ANKRD28: variants seen among roughly 807,000 people sequenced by gnomAD.
ANKRD28 encodes ankyrin repeat domain 28.
ANKRD28 carries 44 observed loss-of-function variants against 126.5 expected under a neutral mutation model. The ratio of observed to expected loss-of-function variants is 0.35; its 90% CI spans 0.27 to 0.45. ANKRD28 has a LOEUF of 0.45. Among genes scored for constraint, ANKRD28 ranks in the 20% least tolerant of loss-of-function variants. The pLI, the probability that ANKRD28 is intolerant of heterozygous loss-of-function variation, is 1.00. For synonymous variants in ANKRD28, 442 were observed against 468.5 expected (o/e 0.94, Z 0.73); for missense variants, 1,110 against 1,316.6 (o/e 0.84, Z 2.43).
At chr3:15,766,682 A>C (rs371286557) in intron 2 of ANKRD28, among the ~76,000 whole-genome samples, 1 of 151,384 alleles carries the variant, frequency 6.6e-6, no homozygotes, top group East Asian at 1.9e-4. Flanking sequence ...TATTAAAAAC[A>C]AAAAAAAACA....
At position 15,830,263 on chromosome 3, in the gene ANKRD28, C is replaced by T. The variant is rs932467968; in HGVS notation, c.27+29114G>A. On this transcript the variant is annotated intron_variant, in intron 1 of 27. Coordinates refer to the ANKRD28 transcript ENST00000399451. The surrounding 1 kb of genome is among the most constrained non-coding windows in gnomAD (Gnocchi z 4.5). The stretch of plus-strand genomic sequence containing the variant: ...ATGATAACAGTTTTGACTTTAGGGA[C>T]TCCCAGGGGTTCATGGACCACACTA... Among the ~76,000 whole-genome samples, 1 of 152,176 alleles carries T rather than the reference C, an allele frequency of 6.6e-6. No homozygotes were observed. The highest frequency in any genetic ancestry group is 1.5e-5 in the Non-Finnish European group (1 of 68,018).
intron 8 of ANKRD28, among the ~76,000 whole-genome samples, chr3:15,717,781 A>G (rs115861302): frequency 1.7e-3 from 264 of 152,330 alleles, no homozygotes; most frequent in African/African-American, 5.9e-3. Context: ...AAGCAGTTCT[A>G]AAAAACAGAC....
chr3:15,684,933 G>A (rs2067937979), intron 21 of ANKRD28: 2 of 324,202 alleles, frequency 6.2e-6, no homozygotes, highest in Non-Finnish European at 1.2e-5. Context: ...AGACCAGCCT[G>A]GGCAACATAG....
At chr3:15,766,710 G>T (rs1054625807) in intron 2 of ANKRD28, among the ~76,000 whole-genome samples, 7 of 151,652 alleles carry the variant, frequency 4.6e-5, no homozygotes, top group Non-Finnish European at 7.4e-5. Flanking sequence ...AAAAACACAG[G>T]GTATTTCCTT....
At chr3:15,859,517 G>C (rs551719555) in exon 1 of ANKRD28, 13 of 1,031,184 alleles carry the variant, frequency 1.3e-5, no homozygotes, top group Middle Eastern at 2.4e-4. Context: ...CGGGACCAGC[G>C]GGTCCGCGGC....
chr3:15,739,823 A>G (rs1417657291), intron 4 of ANKRD28, among the ~76,000 whole-genome samples: 15 of 152,238 alleles, frequency 9.9e-5, no homozygotes, highest in Non-Finnish European at 1.8e-4. Context: ...AGGGATGGCA[A>G]AAGACTGAAG....
At chr3:15,747,295 A>G (rs1228059190) in intron 4 of ANKRD28, among the ~76,000 whole-genome samples, 3 of 150,510 alleles carry the variant, frequency 2.0e-5, no homozygotes, top group Non-Finnish European at 4.4e-5. Context: ...TAGATTGTCT[A>G]TTTGTGCTCT....
chr3:15,714,816 G>T (rs1042936882), intron 8 of ANKRD28, among the ~76,000 whole-genome samples, 160 bp from the exon 9 acceptor site: 2 of 152,016 alleles, frequency 1.3e-5, no homozygotes, highest in African/African-American at 4.8e-5. Flanking sequence ...TTAAAATTAG[G>T]AATTAATTTT....
chr3:15,794,592 CAGAG>C (rs1559544935), intron 2 of ANKRD28, among the ~76,000 whole-genome samples: 7 of 150,658 alleles, frequency 4.6e-5, no homozygotes, highest in African/African-American at 1.7e-4. Context: ...AAAAACATAA[CAGAG>C]AGAGAAAATT....
intron 2 of ANKRD28, among the ~76,000 whole-genome samples, chr3:15,789,839 T>C (rs957232879): frequency 6.6e-6 from 1 of 151,562 alleles, no homozygotes; most frequent in South Asian, 2.1e-4. Context: ...AACAAAAAGT[T>C]GACTTAAAAA....
At chr3:15,806,863 C>T (rs2125870458) in intron 1 of ANKRD28, among the ~76,000 whole-genome samples, 1 of 152,192 alleles carries the variant, frequency 6.6e-6, no homozygotes, top group Middle Eastern at 3.4e-3. Context: ...TGTCTACTTT[C>T]TATGTAATAG....
At chr3:15,767,632 T>C (rs1212101067) in intron 2 of ANKRD28, among the ~76,000 whole-genome samples, 1 of 132,582 alleles carries the variant, frequency 7.5e-6, no homozygotes, top group East Asian at 2.2e-4. Flanking sequence ...GAGGCTGAGG[T>C]GGCGGGTGGA....
In ANKRD28 at chr3:15,767,700, TAAAAAAAAAAAAAAAAAAAAAAA is replaced by T. The variant is rs57072807; in HGVS notation, c.202-1411_202-1389del. Among the ~76,000 whole-genome samples, 363 of 64,360 alleles carry T rather than the reference TAAAAAAAAAAAAAAAAAAAAAAA, an allele frequency of 5.6e-3. 2 individuals carry two copies. Among genetic ancestry groups the T allele is most frequent in the African/African-American group, 0.02 (221 of 10,904 alleles). 42.2% of individuals were successfully genotyped at this position (64,360 alleles called of 152,430 possible). The stretch of plus-strand genomic sequence containing the variant: ...TAACACAATGAAACCTAGTCTCTAC[TAAAAAAAAAAAAAAAAAAAAAAA>T]AAAAAAAAAAAAAAAAAAGCCGCAC... On this transcript the variant is annotated intron_variant, in intron 2 of 27. Transcript: ENST00000683139.
At chr3:15,813,076 T>A (rs1473673748) in intron 1 of ANKRD28, among the ~76,000 whole-genome samples, 1 of 148,364 alleles carries the variant, frequency 6.7e-6, no homozygotes, top group Non-Finnish European at 1.5e-5. Context: ...AGAGAAAAAA[T>A]TAAAAAGTTT....
rs558116716 is a variant in ANKRD28, at chr3:15,814,584, T to C, written c.28-19278A>G. On this transcript the variant is annotated intron_variant, in intron 1 of 27. Coordinates refer to the ANKRD28 transcript ENST00000399451. This position sits in a 1 kb window ranked among gnomAD's most constrained non-coding sequence, Gnocchi z 4.7. ...AGACTTAAAAAGTGGTGTTTGTTTC[T>C]TAGAATTCCTAGCAACAAGTCATTC... Among the ~76,000 whole-genome samples, 12 of 152,182 alleles carry C rather than the reference T, an allele frequency of 7.9e-5. No individual in the cohort carries two copies. In the South Asian group the frequency reaches 2.5e-3, roughly 32 times the overall value.
At chr3:15,742,930 G>C (rs2057196902) in intron 4 of ANKRD28, among the ~76,000 whole-genome samples, 1 of 151,346 alleles carries the variant, frequency 6.6e-6, no homozygotes, top group Admixed American at 6.6e-5. Context: ...TTGTGGAATA[G>C]AAAGGGGGGA....
At chr3:15,743,545 AACACACACAC>A (rs4036221) in intron 4 of ANKRD28, among the ~76,000 whole-genome samples, 5,044 of 140,462 alleles carry the variant, frequency 0.036, 125 homozygotes, top group Middle Eastern at 0.1. Flanking sequence ...GTGGCTTTTT[AACACACACAC>A]ACACACACAC....
intron 1 of ANKRD28, among the ~76,000 whole-genome samples, chr3:15,849,922 T>C (rs7643560): frequency 0.048 from 7,347 of 151,994 alleles, 599 homozygotes; most frequent in African/African-American, 0.17. Context: ...ATGTGGTTTC[T>C]AGACTCAGCT....
chr3:15,742,500 G>A (rs1394743931), intron 4 of ANKRD28, among the ~76,000 whole-genome samples: 1 of 133,728 alleles, frequency 7.5e-6, no homozygotes, highest in Non-Finnish European at 1.6e-5. Context: ...CCTCCGCCTG[G>A]CAACCGCCCC....
Sources: gnomAD v4.1 joint callset for allele counts (sites outside exome capture counted in the v4.1 genomes callset) on GRCh38, gnomAD v4.1.1 for gene constraint, Gnocchi (gnomAD v3.1) non-coding constraint, MANE v1.5 for transcripts, NCBI Gene and HGNC (gene_info 2026-07-23, HGNC 2026-07-21) for gene names.